The following SCHIP1 variants were observed in gnomAD, a reference collection of about 807,000 sequenced individuals.
SCHIP1 encodes schwannomin interacting protein 1.
SCHIP1 carries 8 observed loss-of-function variants against 29.7 expected under a neutral mutation model. That is an observed-to-expected ratio of 0.27 (90% CI 0.16 to 0.49). The LOEUF (loss-of-function observed/expected upper bound fraction) is 0.49. SCHIP1 is among the 20% of genes least tolerant of loss of function. The pLI, the probability that SCHIP1 is intolerant of heterozygous loss-of-function variation, is 0.99. For missense variants in SCHIP1, 193 were observed against 294.6 expected, an observed-to-expected ratio of 0.66 and a Z score of 2.52; for synonymous variants, 76 against 94.9, an observed-to-expected ratio of 0.80 and a Z score of 1.16.
the SCHIP1 span, among the ~76,000 whole-genome samples, chr3:159,328,741 T>C: frequency 1.3e-5 from 2 of 152,238 alleles, no homozygotes; most frequent in African/African-American, 4.8e-5. Flanking sequence ...TCAAGACTTG[T>C]CTTCTGGGCT....
chr3:159,643,002 A>G, the SCHIP1 span, among the ~76,000 whole-genome samples: 1 of 152,042 alleles, frequency 6.6e-6, no homozygotes, highest in East Asian at 1.9e-4. Context: ...TAAGCACTGA[A>G]CATGAAGAAG....
the SCHIP1 span, among the ~76,000 whole-genome samples, chr3:159,391,174 A>G: frequency 1.3e-5 from 2 of 152,218 alleles, no homozygotes; most frequent in Admixed American, 6.6e-5. Flanking sequence ...TATAGTGGAC[A>G]TGTTTCTACT....
chr3:159,311,356 G>GA, the SCHIP1 span, among the ~76,000 whole-genome samples: 1 of 151,844 alleles, frequency 6.6e-6, no homozygotes, highest in Non-Finnish European at 1.5e-5. Flanking sequence ...CTCTTTAATG[G>GA]AAAAAAATCA....
chr3:159,494,111 A>C, the SCHIP1 span, among the ~76,000 whole-genome samples: 1 of 152,236 alleles, frequency 6.6e-6, no homozygotes, highest in African/African-American at 2.4e-5. Flanking sequence ...CAGTGTGTAG[A>C]GGGAAATTTA....
the SCHIP1 span, among the ~76,000 whole-genome samples, chr3:159,718,166 G>C: frequency 6.6e-6 from 1 of 152,108 alleles, no homozygotes; most frequent in East Asian, 1.9e-4. Flanking sequence ...AAAGGCCTTC[G>C]ACAAAATTTC....
chr3:159,639,409 CCTT>C, the SCHIP1 span, among the ~76,000 whole-genome samples: 2 of 152,158 alleles, frequency 1.3e-5, no homozygotes, highest in East Asian at 1.9e-4. Context: ...TATTTTATTT[CCTT>C]TTTTTGGTTT....
the SCHIP1 span, among the ~76,000 whole-genome samples, chr3:159,392,927 C>G: frequency 5.3e-5 from 8 of 152,188 alleles, no homozygotes; most frequent in African/African-American, 1.9e-4. Flanking sequence ...ACAGTCCCAC[C>G]AACAGTGTAA....
the SCHIP1 span, among the ~76,000 whole-genome samples, chr3:159,832,015 ATCT>A: frequency 1.3e-5 from 2 of 152,104 alleles, no homozygotes; most frequent in African/African-American, 4.8e-5. Flanking sequence ...AGTTTCATCC[ATCT>A]TCTTTTTCTT....
At chr3:159,626,526 G>A in the SCHIP1 span, among the ~76,000 whole-genome samples, 1 of 151,902 alleles carries the variant, frequency 6.6e-6, no homozygotes, top group African/African-American at 2.4e-5. Context: ...GGTCCAACAA[G>A]GGTCGTCTGG....
At chr3:159,771,804 T>C in the SCHIP1 span, among the ~76,000 whole-genome samples, 1 of 152,158 alleles carries the variant, frequency 6.6e-6, no homozygotes. Flanking sequence ...ACAATTAAGT[T>C]ATTATTGGAT....
chr3:159,863,911 A>G (rs185652767), intron 1 of SCHIP1, among the ~76,000 whole-genome samples: 99 of 152,336 alleles, frequency 6.5e-4, no homozygotes, highest in African/African-American at 2.0e-3. Context: ...GTATATTCAC[A>G]CATTCATACC....
the SCHIP1 span, among the ~76,000 whole-genome samples, chr3:159,468,732 A>AAT: frequency 1.4e-5 from 2 of 143,200 alleles, no homozygotes; most frequent in Admixed American, 7.1e-5. Flanking sequence ...ATATATATAT[A>AAT]ATATAATATA....
At chr3:159,641,013 T>A in the SCHIP1 span, among the ~76,000 whole-genome samples, 1 of 152,196 alleles carries the variant, frequency 6.6e-6, no homozygotes, top group African/African-American at 2.4e-5. Context: ...TCATTTCATT[T>A]AATATCTATG....
At chr3:159,307,314 T>C in the SCHIP1 span, among the ~76,000 whole-genome samples, 1 of 152,180 alleles carries the variant, frequency 6.6e-6, no homozygotes, top group Non-Finnish European at 1.5e-5. Context: ...GGCAAGTTGC[T>C]TAACTTTCCT....
At chr3:159,636,727 A>G in the SCHIP1 span, among the ~76,000 whole-genome samples, 6 of 152,234 alleles carry the variant, frequency 3.9e-5, no homozygotes. Context: ...AAATAAATTT[A>G]TCAAGGGACT....
the SCHIP1 span, among the ~76,000 whole-genome samples, chr3:159,529,184 T>C: frequency 1.3e-5 from 2 of 152,202 alleles, no homozygotes; most frequent in Non-Finnish European, 2.9e-5. Flanking sequence ...TAAAGGGATA[T>C]CTAAATGGGT....
At chr3:159,575,981 G>A in the SCHIP1 span, among the ~76,000 whole-genome samples, 1 of 152,050 alleles carries the variant, frequency 6.6e-6, no homozygotes, top group Non-Finnish European at 1.5e-5. Flanking sequence ...ATATTTCAAT[G>A]TGTTCTAGGC....
chr3:159,712,882 C>A, the SCHIP1 span, among the ~76,000 whole-genome samples: 1 of 146,930 alleles, frequency 6.8e-6, no homozygotes, highest in African/African-American at 2.5e-5. Context: ...GAAAGGCAGG[C>A]CAGGCACGGT....
At chr3:159,469,439 T>C in the SCHIP1 span, among the ~76,000 whole-genome samples, 2 of 152,178 alleles carry the variant, frequency 1.3e-5, no homozygotes, top group African/African-American at 4.8e-5. Flanking sequence ...TCTCTGAGCT[T>C]CCATTTCATA....
Sources: gnomAD v4.1 joint callset for allele counts (sites outside exome capture counted in the v4.1 genomes callset) on GRCh38, gnomAD v4.1.1 for gene constraint, MANE v1.5 for transcripts, NCBI Gene and HGNC (gene_info 2026-07-23, HGNC 2026-07-21) for gene names.